Variants in KCNH1 observed in about 807,000 individuals in gnomAD.
KCNH1 encodes the protein voltage-gated delayed rectifier potassium channel KCNH1.
Under a neutral mutation model 69.2 loss-of-function variants are expected in KCNH1, and 27 were observed. The ratio of observed to expected loss-of-function variants is 0.39; its 90% CI spans 0.29 to 0.54. KCNH1 has a LOEUF of 0.54. KCNH1 is among the 20% of genes least tolerant of loss of function. KCNH1 has a pLI of 0.68. For synonymous variants in KCNH1, 456 were observed against 487.7 expected, an observed-to-expected ratio of 0.93 and a Z score of 0.86; for missense variants, 798 against 1,261.6, an observed-to-expected ratio of 0.63 and a Z score of 5.57.
chr1:210,854,456 G>A (rs1009421860), intron 7 of KCNH1, among the ~76,000 whole-genome samples: 3 of 152,144 alleles, frequency 2.0e-5, no homozygotes, highest in Admixed American at 1.3e-4. Context: ...CCAAAGGCAC[G>A]GCCTCCCAAA....
At chr1:210,753,992 G>A (rs1683339649) in intron 10 of KCNH1, among the ~76,000 whole-genome samples, 1 of 150,394 alleles carries the variant, frequency 6.6e-6, no homozygotes, top group Non-Finnish European at 1.5e-5. Context: ...TTGGCTCACT[G>A]CAAGCCCCGC....
At chr1:210,853,249 G>T (rs1307202229) in intron 7 of KCNH1, among the ~76,000 whole-genome samples, 1 of 152,136 alleles carries the variant, frequency 6.6e-6, no homozygotes, top group African/African-American at 2.4e-5. Flanking sequence ...ACCTGGTAGG[G>T]CCTCTGTGGC....
chr1:210,843,401 G>A (rs1317918859), intron 7 of KCNH1, among the ~76,000 whole-genome samples: 1 of 152,184 alleles, frequency 6.6e-6, no homozygotes, highest in South Asian at 2.1e-4. Flanking sequence ...TAGCTCTTCA[G>A]AAGGTGGAAG....
chr1:211,124,204 G>C (rs551203175), intron 1 of KCNH1, among the ~76,000 whole-genome samples: 3 of 152,296 alleles, frequency 2.0e-5, no homozygotes, highest in African/African-American at 7.2e-5. Context: ...ATTTTATCGA[G>C]CTTGTAGGTA....
chr1:211,073,603 C>T (rs1230204569), intron 5 of KCNH1, among the ~76,000 whole-genome samples: 1 of 152,062 alleles, frequency 6.6e-6, no homozygotes, highest in Non-Finnish European at 1.5e-5. Context: ...CTAAACAACA[C>T]ACTTCTAAAT....
Position 211,134,117 on chromosome 1 carries a change from C to T in KCNH1, c.-172G>A, listed in dbSNP as rs1267324049. 2.0e-6 allele frequency: 1 copy of T among 505,880 alleles called. No individual in the cohort carries two copies. Among genetic ancestry groups the T allele is most frequent in the East Asian group, 3.6e-5 (1 of 27,760 alleles). The allele number at this position is 505,880 out of a possible 1,614,324, so 31.3% of individuals were successfully genotyped here. A position where few individuals can be genotyped will look rare whatever the true frequency, so the allele number is the denominator to read the frequency against. The stretch of plus-strand genomic sequence containing the variant: ...GGCTGCTACCCTCGCGCCCTCTTCG[C>T]GCCTCCCTCCCTGCGGCCCGCCTCG... On this transcript the variant is annotated 5_prime_UTR_variant, in exon 1 of 11. Coordinates refer to ENST00000271751, the MANE Select transcript of KCNH1 (RefSeq NM_172362.3). The surrounding 1 kb of genome is among the most constrained non-coding windows in gnomAD (Gnocchi z 5.7).
rs35500832 is a variant in KCNH1, at chr1:210,911,557, T to TA, written c.1462+8082dup. Among the ~76,000 whole-genome samples the TA allele has an allele frequency of 2.0e-3, 181 of 92,284 alleles. 1 individual carries two copies. The highest frequency in any genetic ancestry group is 4.0e-3 in the African/African-American group (104 of 25,848). 60.5% of individuals were successfully genotyped at this position (92,284 alleles called of 152,430 possible). Reference sequence around the variant, plus strand: ...ATGTACCCTAAAACTTAAAGTATAATAAAAAAAAAAAATCTGAACTTGCCA... The same window carrying TA: ...ATGTACCCTAAAACTTAAAGTATAATAAAAAAAAAAAAATCTGAACTTGCCA... On this transcript the variant is annotated intron_variant, in intron 7 of 10. Transcript: ENST00000271751.
In KCNH1 at chr1:210,858,078, A is replaced by T. The variant is rs142436805; in HGVS notation, c.1463-53912T>A. On this transcript the variant is annotated intron_variant, in intron 7 of 10. Transcript: ENST00000271751. The stretch of plus-strand genomic sequence containing the variant: ...ATGAGGAAAAATTGTCACAATTGTT[A>T]TAAATTGTTTATATTGTTACAAAAC... The T allele has an allele frequency of 1.8e-4, 28 of 152,352 alleles. No homozygotes were observed. The East Asian group carries it at 5.4e-3, about 29-fold the overall frequency. 9.4% of individuals were successfully genotyped at this position (152,352 alleles called of 1,614,324 possible).
At chr1:210,934,456 C>A (rs968954337) in intron 6 of KCNH1, among the ~76,000 whole-genome samples, 1 of 152,104 alleles carries the variant, frequency 6.6e-6, no homozygotes, top group African/African-American at 2.4e-5. Context: ...AGTTCCAGAC[C>A]AGCCTGGCCA....
In KCNH1 at chr1:210,775,534, G is replaced by T; in HGVS notation, c.1926C>A (p.Asp642Glu). The change falls in exon 10 of 11, where the codon GAC becomes GAA. Residue 642 changes from aspartate (D) to glutamate (E), a missense_variant. Coordinates refer to ENST00000271751, the MANE Select transcript of KCNH1 (RefSeq NM_172362.3). ...DEVVAILGKG[D>E]VFGDVFWKEA... ...CCTTCCAGAACACATCTCCAAACAC[G>T]TCTCCTTTTCCTAAGGAGAGAAGGT... 1 of 1,613,388 alleles carries T rather than the reference G, an allele frequency of 6.2e-7. No individual in the cohort carries two copies. Among genetic ancestry groups the T allele is most frequent in the Non-Finnish European group, 8.5e-7 (1 of 1,179,540 alleles).
chr1:210,850,475 C>CA (rs1377319033), intron 7 of KCNH1, among the ~76,000 whole-genome samples: 2 of 152,184 alleles, frequency 1.3e-5, no homozygotes, highest in African/African-American at 4.8e-5. Context: ...CCTGTCACCG[C>CA]ACTCCAGCCT....
At chr1:210,862,370 C>G in intron 7 of KCNH1, 1 of 638,370 alleles carries the variant, frequency 1.6e-6, no homozygotes, top group Non-Finnish European at 2.9e-6. Flanking sequence ...CCTGCCGCAG[C>G]GGCAACTGGC....
At position 210,706,960 on chromosome 1, in the gene KCNH1, G is replaced by A. The variant is rs768138145; in HGVS notation, c.2113-22822C>T. On this transcript the variant is annotated intron_variant, in intron 10 of 10. Coordinates refer to ENST00000271751, the MANE Select transcript of KCNH1 (RefSeq NM_172362.3). Reference sequence around the variant, plus strand: ...CCCAAGTTCTATCAGGCATCACACCGAAGGCTGGGTGCAGAAGAGAAGAGA... The same window carrying A: ...CCCAAGTTCTATCAGGCATCACACCAAAGGCTGGGTGCAGAAGAGAAGAGA... Among the ~76,000 whole-genome samples, 113 of 152,332 alleles carry A rather than the reference G, an allele frequency of 7.4e-4. 1 individual carries two copies. The highest frequency in any genetic ancestry group is 1.1e-3 in the Non-Finnish European group (72 of 68,032).
intron 7 of KCNH1, among the ~76,000 whole-genome samples, chr1:210,821,449 C>G (rs1684927029): frequency 6.6e-6 from 1 of 152,194 alleles, no homozygotes; most frequent in African/African-American, 2.4e-5. Context: ...AACAACAGGT[C>G]AGCGTATGGT....
chr1:211,074,595 T>G (rs13374341), intron 5 of KCNH1, among the ~76,000 whole-genome samples: 1,851 of 152,318 alleles, frequency 0.012, 31 homozygotes, highest in African/African-American at 0.042. Flanking sequence ...AGAGGTGAAC[T>G]GTAATAATTC....
intron 5 of KCNH1, among the ~76,000 whole-genome samples, chr1:211,067,334 G>A (rs1265977318): frequency 6.6e-6 from 1 of 152,182 alleles, no homozygotes; most frequent in Non-Finnish European, 1.5e-5. Flanking sequence ...TCCAGCTGCT[G>A]GTTCCTAAGG....
At chr1:210,963,128 G>A (rs1408485104) in intron 6 of KCNH1, among the ~76,000 whole-genome samples, 1 of 151,496 alleles carries the variant, frequency 6.6e-6, no homozygotes, top group Admixed American at 6.6e-5. Flanking sequence ...TTGTAATGTG[G>A]TCAAATGCAT....
intron 6 of KCNH1, among the ~76,000 whole-genome samples, chr1:211,011,257 T>C (rs1478397756): frequency 6.6e-6 from 1 of 152,188 alleles, no homozygotes; most frequent in African/African-American, 2.4e-5. Context: ...GTTAGTTTGC[T>C]GAGAATGATG....
chr1:210,714,394 T>TTTCG (rs200839322), intron 10 of KCNH1, among the ~76,000 whole-genome samples: 54 of 152,302 alleles, frequency 3.5e-4, no homozygotes, highest in African/African-American at 1.3e-3. Context: ...TTTCTTCCTG[T>TTTCG]TTTGTTTTTT....
Sources: gnomAD v4.1 joint callset for allele counts (sites outside exome capture counted in the v4.1 genomes callset) on GRCh38, gnomAD v4.1.1 for gene constraint, Gnocchi (gnomAD v3.1) non-coding constraint, MANE v1.5 for transcripts, NCBI Gene and HGNC (gene_info 2026-07-23, HGNC 2026-07-21) for gene names.